NKAIN2: variants seen among roughly 807,000 people sequenced by gnomAD.
NKAIN2 encodes the protein sodium/potassium-transporting ATPase subunit beta-1-interacting protein 2.
A neutral mutation model predicts 32.6 loss-of-function variants in NKAIN2; 14 were observed. That is an observed-to-expected ratio of 0.43 (90% confidence interval 0.28 to 0.67). The LOEUF is 0.67. Ranked by LOEUF, NKAIN2 falls within the 30% of genes least tolerant of loss-of-function variation. The pLI is 0.17. For missense variants in NKAIN2, 198 were observed against 258.3 expected, an observed-to-expected ratio of 0.77 and a Z score of 1.60; for synonymous variants, 80 against 87.2, an observed-to-expected ratio of 0.92 and a Z score of 0.46.
chr6:124,038,368 C>T (rs1205732757), intron 1 of NKAIN2, among the ~76,000 whole-genome samples: 1 of 151,990 alleles, frequency 6.6e-6, no homozygotes, highest in African/African-American at 2.4e-5. Flanking sequence ...ACACCCACCA[C>T]CAGGCCCGGA....
intron 3 of NKAIN2, among the ~76,000 whole-genome samples, chr6:124,494,409 T>C (rs1032296055): frequency 2.0e-5 from 3 of 152,058 alleles, no homozygotes; most frequent in Non-Finnish European, 2.9e-5. Flanking sequence ...ATTTCAAATA[T>C]AAGGAGATTC....
At chr6:124,785,066 G>A (rs940808994) in intron 4 of NKAIN2, among the ~76,000 whole-genome samples, 1 of 151,774 alleles carries the variant, frequency 6.6e-6, no homozygotes, top group Non-Finnish European at 1.5e-5. Flanking sequence ...GACTCCAGTG[G>A]GGGAAAAAAA....
chr6:124,565,020 T>G (rs764825808), intron 3 of NKAIN2, among the ~76,000 whole-genome samples: 4 of 152,170 alleles, frequency 2.6e-5, no homozygotes, highest in Non-Finnish European at 5.9e-5. Context: ...ATGTTAAAGC[T>G]TCTACCTTTC....
intron 3 of NKAIN2, among the ~76,000 whole-genome samples, chr6:124,364,477 A>G (rs1799433932): frequency 6.6e-6 from 1 of 152,080 alleles, no homozygotes; most frequent in South Asian, 2.1e-4. Flanking sequence ...GAACAGAAAC[A>G]TTAAAAATCT....
At chr6:124,804,784 C>T (rs984833289) in intron 5 of NKAIN2, among the ~76,000 whole-genome samples, 4 of 152,294 alleles carry the variant, frequency 2.6e-5, no homozygotes, top group Admixed American at 6.5e-5. Flanking sequence ...CGGATCACTC[C>T]CACCCGAATA....
chr6:124,787,073 A>G (rs1017435227), intron 4 of NKAIN2, among the ~76,000 whole-genome samples: 2 of 151,928 alleles, frequency 1.3e-5, no homozygotes, highest in African/African-American at 4.8e-5. Flanking sequence ...CCCACCTCTC[A>G]AGGTCTATCT....
chr6:124,008,169 A>G (rs1295105445), intron 1 of NKAIN2, among the ~76,000 whole-genome samples: 2 of 152,156 alleles, frequency 1.3e-5, no homozygotes, highest in African/African-American at 2.4e-5. Context: ...GAGCTCTCCG[A>G]TCGCGCTGCT....
chr6:124,338,930 C>A (rs888485686), intron 2 of NKAIN2, among the ~76,000 whole-genome samples: 1 of 152,166 alleles, frequency 6.6e-6, no homozygotes, highest in Non-Finnish European at 1.5e-5. Context: ...ATTTTAGTGA[C>A]AGAGAGGTTA....
chr6:124,012,949 A>G (rs942122687), intron 1 of NKAIN2, among the ~76,000 whole-genome samples: 1 of 152,176 alleles, frequency 6.6e-6, no homozygotes, highest in Non-Finnish European at 1.5e-5. Context: ...CATTTCCACC[A>G]GTAGTTCATG....
intron 3 of NKAIN2, among the ~76,000 whole-genome samples, chr6:124,486,365 G>A (rs372091069): frequency 6.6e-6 from 1 of 151,992 alleles, no homozygotes; most frequent in Non-Finnish European, 1.5e-5. Flanking sequence ...TAGAAAAATT[G>A]TGAAAAAAAC....
In NKAIN2 at chr6:123,869,889, T is replaced by C. The variant is rs1199002825; in HGVS notation, c.54+65635T>C. ...AAGCCATTCTTTACATAGGAAAAAATAGGCTGTCTAAATGGACTTGTGCCT... is the reference window on the plus strand; with the variant it reads ...AAGCCATTCTTTACATAGGAAAAAACAGGCTGTCTAAATGGACTTGTGCCT... On this transcript the variant is annotated intron_variant, in intron 1 of 6. Coordinates refer to ENST00000368417, the MANE Select transcript of NKAIN2 (RefSeq NM_001040214.3). Among the ~76,000 whole-genome samples the C allele has an allele frequency of 7.2e-5, 11 of 152,136 alleles. No individual in the cohort carries two copies. In the South Asian group the frequency reaches 1.7e-3, roughly 23 times the overall value.
At chr6:124,212,276 A>G (rs1791222120) in intron 1 of NKAIN2, among the ~76,000 whole-genome samples, 1 of 152,188 alleles carries the variant, frequency 6.6e-6, no homozygotes, top group East Asian at 1.9e-4. Context: ...GTAATATATG[A>G]TTCTCTTTTA....
intron 3 of NKAIN2, among the ~76,000 whole-genome samples, chr6:124,443,707 G>C (rs1349014426): frequency 6.6e-6 from 1 of 152,026 alleles, no homozygotes; most frequent in Non-Finnish European, 1.5e-5. Context: ...CATTACAGTA[G>C]TTCTTACCCC....
intron 3 of NKAIN2, among the ~76,000 whole-genome samples, chr6:124,657,785 T>C (rs1784592717): frequency 2.6e-5 from 4 of 151,814 alleles, no homozygotes; most frequent in Admixed American, 2.0e-4. Context: ...AAGTAAACAT[T>C]TTGAGAGAAA....
chr6:123,953,209 G>A (rs1485963292), intron 1 of NKAIN2, among the ~76,000 whole-genome samples: 5 of 152,162 alleles, frequency 3.3e-5, no homozygotes, highest in African/African-American at 1.2e-4. Flanking sequence ...AGGTTGTGGT[G>A]AAGTTATGCT....
At chr6:124,656,168 C>G (rs937783222) in intron 3 of NKAIN2, among the ~76,000 whole-genome samples, 2 of 152,138 alleles carry the variant, frequency 1.3e-5, no homozygotes, top group African/African-American at 4.8e-5. Context: ...CCACAGGGCT[C>G]CCCATGGACC....
In NKAIN2 at chr6:124,476,065, A is replaced by AGAGTGTGTGT. The variant is rs1487948768; in HGVS notation, c.273+120719_273+120720insAGTGTGTGTG. The stretch of plus-strand genomic sequence containing the variant: ...GTGTGTGTGAGAGAGAGAGAGAGAG[A>AGAGTGTGTGT]GTGTGTGTGTGTGTGTGTGTGTGTG... On this transcript the variant is annotated intron_variant, in intron 3 of 6. Transcript: ENST00000368417. Among the ~76,000 whole-genome samples the AGAGTGTGTGT allele has an allele frequency of 8.7e-3, 1,154 of 132,500 alleles. 10 individuals carry two copies. Among genetic ancestry groups the AGAGTGTGTGT allele is most frequent in the African/African-American group, 0.032 (1,104 of 34,744 alleles). 86.9% of individuals were successfully genotyped at this position (132,500 alleles called of 152,430 possible).
intron 1 of NKAIN2, among the ~76,000 whole-genome samples, chr6:124,147,632 A>G (rs564804783): frequency 1.3e-5 from 2 of 151,976 alleles, no homozygotes; most frequent in South Asian, 4.1e-4. Context: ...ACGAAAAAAC[A>G]AAAACAAAAA....
chr6:124,464,051 C>T (rs1320789479), intron 3 of NKAIN2, among the ~76,000 whole-genome samples: 1 of 151,986 alleles, frequency 6.6e-6, no homozygotes, highest in Non-Finnish European at 1.5e-5. Context: ...GGCATGATCT[C>T]GACTCACTGC....
Sources: gnomAD v4.1 joint callset for allele counts (sites outside exome capture counted in the v4.1 genomes callset) on GRCh38, gnomAD v4.1.1 for gene constraint, MANE v1.5 for transcripts, NCBI Gene and HGNC (gene_info 2026-07-23, HGNC 2026-07-21) for gene names.